KLHL5: variants seen among roughly 807,000 people sequenced by gnomAD.
The protein encoded by KLHL5 is kelch-like protein 5.
A neutral mutation model predicts 77.7 loss-of-function variants in KLHL5; 48 were observed. The observed-to-expected ratio is 0.62, with a 90% CI of 0.49 to 0.79. KLHL5 has a LOEUF of 0.79. Ranked by LOEUF, KLHL5 falls within the 30% of genes least tolerant of loss-of-function variation. KLHL5 has a pLI of 0.00. For synonymous variants in KLHL5, 260 were observed against 297.0 expected (o/e 0.88, Z 1.28); for missense variants, 723 against 859.7 (o/e 0.84, Z 1.99).
intron 1 of KLHL5, among the ~76,000 whole-genome samples, chr4:39,071,148 T>A (rs1718439744): frequency 6.6e-6 from 1 of 152,152 alleles, no homozygotes; most frequent in South Asian, 2.1e-4. Flanking sequence ...CTTAAAAGTA[T>A]ACTGAAAAGG....
At chr4:39,055,503 A>G (rs1191011215) in intron 1 of KLHL5, among the ~76,000 whole-genome samples, 3 of 152,258 alleles carry the variant, frequency 2.0e-5, no homozygotes, top group Non-Finnish European at 4.4e-5. Flanking sequence ...ACTCAGTAGG[A>G]GACCCCTATC....
At chr4:39,092,098 A>T (rs1720637588) in intron 5 of KLHL5, among the ~76,000 whole-genome samples, 1 of 152,148 alleles carries the variant, frequency 6.6e-6, no homozygotes, top group East Asian at 1.9e-4. Flanking sequence ...GAAAGTGAGG[A>T]TAAAAATTTA....
intron 6 of KLHL5, among the ~76,000 whole-genome samples, chr4:39,099,191 G>C (rs1406879315): frequency 6.6e-6 from 1 of 152,158 alleles, no homozygotes; most frequent in Non-Finnish European, 1.5e-5. Flanking sequence ...AGGTGGCTGA[G>C]GCAGGAGAAC....
In KLHL5 at chr4:39,062,524, A is replaced by G; in HGVS notation, c.-129A>G. 1.2e-6 allele frequency: 2 copies of G among 1,607,744 alleles called. No individual in the cohort carries two copies. The highest frequency in any genetic ancestry group is 2.7e-5 in the African/African-American group (2 of 74,762). ...AATTGTAGATATATATATGAATGTG[A>G]TTTATTTTCCTTTACATATTTTTGT... On this transcript the variant is annotated 5_prime_UTR_variant, in exon 1 of 11. An upstream open reading frame in the 5' UTR loses its in-frame stop. Coordinates refer to ENST00000504108, the MANE Select transcript of KLHL5 (RefSeq NM_015990.5).
Position 39,063,524 on chromosome 4 carries a change from A to G in KLHL5, c.383+489A>G, listed in dbSNP as rs1309674436. The G allele has an allele frequency of 7.2e-6, 3 of 418,926 alleles. No individual in the cohort carries two copies. In the Admixed American group the frequency reaches 7.3e-5, roughly 10 times the overall value. The allele number at this position is 418,926 out of a possible 1,614,324, so 26.0% of individuals were successfully genotyped here. ...TTTTTTGACACAATTGTAGTTGTCA[A>G]TAATATTTTTCTTATGGTTATTTCT... On this transcript the variant is annotated intron_variant, in intron 1 of 10. Transcript: ENST00000504108.
chr4:39,118,873 A>G (rs1723031394), intron 10 of KLHL5, among the ~76,000 whole-genome samples: 1 of 152,170 alleles, frequency 6.6e-6, no homozygotes, highest in Non-Finnish European at 1.5e-5. Flanking sequence ...AAGTGAAGAG[A>G]AAGAGAAGAA....
upstream of KLHL5, among the ~76,000 whole-genome samples, chr4:39,061,855 A>G (rs1717439348): frequency 6.6e-6 from 1 of 152,214 alleles, no homozygotes; most frequent in South Asian, 2.1e-4. Context: ...TGTAGTTTTC[A>G]AACTTTTTAT....
At chr4:39,112,821 A>T in intron 8 of KLHL5, 199 bp from the exon 9 acceptor site, 1 of 529,166 alleles carries the variant, frequency 1.9e-6, no homozygotes. Context: ...TTTCCTTTTC[A>T]TGTATATACA....
At chr4:39,079,407 G>A (rs942156528) in intron 2 of KLHL5, among the ~76,000 whole-genome samples, 6 of 152,180 alleles carry the variant, frequency 3.9e-5, no homozygotes, top group African/African-American at 1.4e-4. Flanking sequence ...ATTGGTCTCT[G>A]TCTTGTTCAG....
At chr4:39,103,241 C>A in intron 6 of KLHL5, 46 bp from the exon 7 acceptor site, 1 of 1,306,004 alleles carries the variant, frequency 7.7e-7, no homozygotes, top group South Asian at 1.3e-5. Context: ...AATTACCAAT[C>A]ATGGTATAAT....
rs559174187 is a variant in KLHL5, at chr4:39,114,778, A to G, written c.1902-381A>G. Among the ~76,000 whole-genome samples, 10 of 152,314 alleles carry G rather than the reference A, an allele frequency of 6.6e-5. No homozygotes were observed. In the East Asian group the frequency reaches 1.3e-3, roughly 21 times the overall value. ...GCTCTTAGCTATACAACTTTGGGCA[A>G]TTCTAGTTAAGACACCTCATGAAAA... On this transcript the variant is annotated intron_variant, in intron 9 of 10. Coordinates refer to ENST00000504108, the MANE Select transcript of KLHL5 (RefSeq NM_015990.5).
chr4:39,140,652 G>A, the KLHL5 span, among the ~76,000 whole-genome samples: 5 of 152,110 alleles, frequency 3.3e-5, no homozygotes, highest in Admixed American at 2.6e-4. Flanking sequence ...AAATATTTTT[G>A]TCTTCCTCAG....
chr4:39,070,097 C>A (rs1332320888), intron 1 of KLHL5, among the ~76,000 whole-genome samples: 1 of 152,112 alleles, frequency 6.6e-6, no homozygotes, highest in African/African-American at 2.4e-5. Context: ...AGAGTGTGAT[C>A]AAACATCATG....
downstream of KLHL5, among the ~76,000 whole-genome samples, chr4:39,128,888 C>A (rs891563630): frequency 6.6e-5 from 10 of 152,020 alleles, no homozygotes; most frequent in Admixed American, 6.6e-4. Context: ...ATTGCCTGAG[C>A]CTGGGAGGCC....
chr4:39,081,924 G>A lies in KLHL5; in HGVS notation c.704-39G>A. The A allele has an allele frequency of 7.0e-7, 1 of 1,422,938 alleles. No individual in the cohort carries two copies. Among genetic ancestry groups the A allele is most frequent in the Non-Finnish European group, 9.6e-7 (1 of 1,043,494 alleles). The allele number at this position is 1,422,938 out of a possible 1,614,324, so 88.1% of individuals were successfully genotyped here. A position where few individuals can be genotyped will look rare whatever the true frequency, so the allele number is the denominator to read the frequency against. On this transcript the variant is annotated intron_variant, in intron 3 of 10. Coordinates refer to ENST00000504108, the MANE Select transcript of KLHL5 (RefSeq NM_015990.5). This position sits in a 1 kb window ranked among gnomAD's most constrained non-coding sequence, Gnocchi z 4.3. The stretch of plus-strand genomic sequence containing the variant: ...AATTATTTTATAAAATAAGGTTAAT[G>A]TAGTTCCATGGCTAATGGAATTTCT...
rs143423463 is a variant in KLHL5 at position 39,073,193 on chromosome 4, T to G, written c.384-2772T>G. Among the ~76,000 whole-genome samples the G allele has an allele frequency of 2.5e-4, 38 of 152,320 alleles. 1 individual carries two copies. In the East Asian group the frequency reaches 5.4e-3, roughly 22 times the overall value. ...TGAACACTGCGACTGAAATGCTCCC[T>G]GGGTTGTCCTGACTTGTTTCAGCAT... On this transcript the variant is annotated intron_variant, in intron 1 of 10. Transcript: ENST00000504108.
At chr4:39,045,194 C>T (rs1258991159) in intron 1 of KLHL5, 3 of 981,368 alleles carry the variant, frequency 3.1e-6, no homozygotes, top group African/African-American at 1.8e-5. Flanking sequence ...TGCGGCCTCC[C>T]GGAGCGCGCG....
Position 39,125,565 on chromosome 4 carries a change from G to A in KLHL5, c.*4499G>A, listed in dbSNP as rs751335230. Reference sequence around the variant, plus strand: ...GCTAAAGCATGGATGAGCCTTGAGCGCATTTTTGCCAAGTGAAAGAAGGCA... The same window carrying A: ...GCTAAAGCATGGATGAGCCTTGAGCACATTTTTGCCAAGTGAAAGAAGGCA... On this transcript the variant is annotated 3_prime_UTR_variant, in exon 11 of 11. Transcript: ENST00000504108. 1.3e-5 allele frequency among the ~76,000 whole-genome samples: 2 copies of A among 152,116 alleles called. No individual in the cohort carries two copies. The highest frequency in any genetic ancestry group is 2.4e-5 in the African/African-American group (1 of 41,412).
In KLHL5 at chr4:39,086,720, C is replaced by T. The variant is rs758807194; in HGVS notation, c.1106C>T (p.Ala369Val). The change falls in exon 5 of 11, where the codon GCA (alanine) becomes GTA (valine). Residue 369 changes from alanine to valine, a missense_variant. By Grantham distance (64) the Ala-to-Val change is moderately conservative (BLOSUM62 0). Coordinates refer to ENST00000504108, the MANE Select transcript of KLHL5 (RefSeq NM_015990.5). The stretch of plus-strand genomic sequence containing the variant: ...GCTTATATTAGGCTACCTCTTCTTG[C>T]ACCACAGGTAATTAATAGGCACTTG... ...LLAYIRLPLL[A>V]PQFLADMENN... The T allele has an allele frequency of 6.2e-6, 10 of 1,610,752 alleles. No individual in the cohort carries two copies. In the South Asian group the frequency reaches 9.9e-5, roughly 16 times the overall value.
Sources: allele counts gnomAD v4.1 joint callset (sites outside exome capture counted in the v4.1 genomes callset), GRCh38; gene constraint gnomAD v4.1.1; non-coding constraint Gnocchi (gnomAD v3.1); transcripts MANE v1.5; gene names NCBI Gene and HGNC (gene_info 2026-07-23, HGNC 2026-07-21).